The following XKR4 variants were observed in gnomAD, a reference collection of about 807,000 sequenced individuals.
XKR4 encodes XK-related protein 4.
In XKR4, 12 loss-of-function variants were observed where a neutral mutation model predicts 53.9. The observed-to-expected ratio is 0.22, with a 90% confidence interval of 0.14 to 0.36. The LOEUF is 0.36. XKR4 is among the 10% of genes least tolerant of loss of function. The pLI is 1.00. For synonymous variants in XKR4, 354 were observed against 362.4 expected (o/e 0.98, Z 0.26); for missense variants, 799 against 859.5 (o/e 0.93, Z 0.88).
chr8:55,232,177 G>A (rs149124752), intron 1 of XKR4, among the ~76,000 whole-genome samples: 26 of 152,312 alleles, frequency 1.7e-4, no homozygotes, highest in African/African-American at 6.0e-4. Flanking sequence ...GTGGCCAAGG[G>A]GAGGGACCTC....
chr8:55,346,100 T>C (rs1803635742), intron 1 of XKR4, among the ~76,000 whole-genome samples: 1 of 151,708 alleles, frequency 6.6e-6, no homozygotes, highest in Non-Finnish European at 1.5e-5. Flanking sequence ...TTTTTTTCTT[T>C]TTTGAGACAG....
chr8:55,220,800 C>T (rs1035976373), intron 1 of XKR4, among the ~76,000 whole-genome samples: 1 of 152,214 alleles, frequency 6.6e-6, no homozygotes, highest in African/African-American at 2.4e-5. Flanking sequence ...AGTAGGTGAT[C>T]TTGAAATAGT....
At chr8:55,387,994 C>T (rs906145054) in intron 2 of XKR4, among the ~76,000 whole-genome samples, 1 of 152,202 alleles carries the variant, frequency 6.6e-6, no homozygotes, top group African/African-American at 2.4e-5. Flanking sequence ...AGATGCTTCA[C>T]TACTTGGTGT....
At chr8:55,207,105 G>A (rs1817660974) in intron 1 of XKR4, among the ~76,000 whole-genome samples, 1 of 152,230 alleles carries the variant, frequency 6.6e-6, no homozygotes, top group African/African-American at 2.4e-5. Flanking sequence ...CAGGGAAGGA[G>A]AGGTCCTGCC....
At chr8:55,378,393 G>C (rs1316248789) in intron 2 of XKR4, among the ~76,000 whole-genome samples, 2 of 152,164 alleles carry the variant, frequency 1.3e-5, no homozygotes, top group Non-Finnish European at 2.9e-5. Context: ...TTAGAATTCT[G>C]ATCTTATATT....
chr8:55,310,935 TAA>T (rs945445959), intron 1 of XKR4, among the ~76,000 whole-genome samples: 1 of 152,200 alleles, frequency 6.6e-6, no homozygotes, highest in African/African-American at 2.4e-5. Context: ...GAGAGACCAC[TAA>T]GTCACCCTCA....
chr8:55,141,906 G>C, intron 1 of XKR4, among the ~76,000 whole-genome samples: 1 of 152,088 alleles, frequency 6.6e-6, no homozygotes, highest in East Asian at 1.9e-4. Flanking sequence ...TAGTCCGCAG[G>C]AGCTCTACCT....
chr8:55,149,150 A>T (rs995239377), intron 1 of XKR4, among the ~76,000 whole-genome samples: 22 of 152,240 alleles, frequency 1.4e-4, no homozygotes, highest in African/African-American at 4.8e-4. Flanking sequence ...TGAGCCTTGC[A>T]AGCAGAGCTG....
intron 2 of XKR4, among the ~76,000 whole-genome samples, chr8:55,425,953 G>T (rs1313187679): frequency 3.3e-5 from 5 of 152,150 alleles, no homozygotes; most frequent in African/African-American, 1.2e-4. Flanking sequence ...TAGCACGGGG[G>T]CTCTCAGGGG....
At chr8:55,275,419 A>G (rs1818750275) in intron 1 of XKR4, among the ~76,000 whole-genome samples, 1 of 152,236 alleles carries the variant, frequency 6.6e-6, no homozygotes, top group South Asian at 2.1e-4. Flanking sequence ...ATTAAATCAC[A>G]TGGATATCTT....
At chr8:55,240,494 A>G (rs1035549763) in intron 1 of XKR4, among the ~76,000 whole-genome samples, 3 of 152,356 alleles carry the variant, frequency 2.0e-5, no homozygotes, top group Admixed American at 2.0e-4. Context: ...GCAGAGAGAT[A>G]GGAAAGGCTC....
intron 2 of XKR4, chr8:55,452,329 A>C (rs911428947): frequency 1.6e-6 from 1 of 638,106 alleles, no homozygotes; most frequent in African/African-American, 1.8e-5. Context: ...AAGGAGCGGA[A>C]CACCACCTTC....
In XKR4 at chr8:55,341,357, G is replaced by A. The variant is rs1803543364; in HGVS notation, c.807-16321G>A. ...CATTCCCACTTTTCATTGGCAGAGG[G>A]CTGCTCCCAGGGCATTGGCTCTCCA... is the stretch of plus-strand genomic sequence containing the variant. On this transcript the variant is annotated intron_variant, in intron 1 of 2. Transcript: ENST00000327381. 2.0e-5 allele frequency among the ~76,000 whole-genome samples: 3 copies of A among 152,276 alleles called. No individual in the cohort carries two copies. In the South Asian group the frequency reaches 6.2e-4, roughly 32 times the overall value.
intron 1 of XKR4, among the ~76,000 whole-genome samples, chr8:55,223,952 A>G (rs543466948): frequency 6.6e-6 from 1 of 152,284 alleles, no homozygotes; most frequent in East Asian, 1.9e-4. Flanking sequence ...AGCAGAAAAG[A>G]AAAGGAATCA....
chr8:55,222,831 G>C (rs1817899451), intron 1 of XKR4, among the ~76,000 whole-genome samples: 1 of 151,530 alleles, frequency 6.6e-6, no homozygotes, highest in African/African-American at 2.4e-5. Flanking sequence ...ATTTAAAGGA[G>C]GGGATTTTTT....
chr8:55,174,614 G>T (rs1413225208), intron 1 of XKR4, among the ~76,000 whole-genome samples: 1 of 152,162 alleles, frequency 6.6e-6, no homozygotes, highest in South Asian at 2.1e-4. Flanking sequence ...GTCCATAGCT[G>T]AATGGCTCTT....
chr8:55,289,691 G>A (rs1376052989), intron 1 of XKR4, among the ~76,000 whole-genome samples: 1 of 128,464 alleles, frequency 7.8e-6, no homozygotes, highest in Non-Finnish European at 1.7e-5. Context: ...AAGAAAGAAA[G>A]AAAGAGAAAG....
In XKR4 at chr8:55,459,580, T is replaced by C. The variant is rs367634276; in HGVS notation, c.1007-63701T>C. 2.0e-4 allele frequency among the ~76,000 whole-genome samples: 30 copies of C among 152,188 alleles called. No homozygotes were observed. In the South Asian group the frequency reaches 6.2e-3, roughly 32 times the overall value. ...ATCAATAACTCTTACAACTCAATAA[T>C]ATAACAAACAATTCAATAAAAATAG... On this transcript the variant is annotated intron_variant, in intron 2 of 2. Coordinates refer to ENST00000327381, the MANE Select transcript of XKR4 (RefSeq NM_052898.2).
chr8:55,408,938 C>T (rs774031141), intron 2 of XKR4, among the ~76,000 whole-genome samples: 84 of 147,282 alleles, frequency 5.7e-4, no homozygotes, highest in Non-Finnish European at 1.1e-3. Context: ...ACCCGGGAAG[C>T]AGAGGTTGCA....
Sources: allele counts gnomAD v4.1 joint callset (sites outside exome capture counted in the v4.1 genomes callset), GRCh38; gene constraint gnomAD v4.1.1; transcripts MANE v1.5; gene names NCBI Gene and HGNC (gene_info 2026-07-23, HGNC 2026-07-21).